SLC4A5: variants seen among roughly 807,000 people sequenced by gnomAD.
The protein encoded by SLC4A5 is solute carrier family 4 member 5, also known as electrogenic sodium bicarbonate cotransporter 4.
In SLC4A5, 96 loss-of-function variants were observed where a neutral mutation model predicts 120.4. The observed-to-expected ratio is 0.80, with a 90% confidence interval of 0.68 to 0.94. The LOEUF (loss-of-function observed/expected upper bound fraction) is 0.94, where lower values mean the gene tolerates loss of function less well. Ranked by LOEUF, SLC4A5 falls within the 40% of genes least tolerant of loss-of-function variation. The pLI, the probability that SLC4A5 is intolerant of heterozygous loss-of-function variation, is 0.00. For missense variants in SLC4A5, 1,259 were observed against 1,459.5 expected, an observed-to-expected ratio of 0.86 and a Z score of 2.24; for synonymous variants, 550 against 571.1, an observed-to-expected ratio of 0.96 and a Z score of 0.53.
intron 23 of SLC4A5, 86 bp downstream of exon 23, chr2:74,233,316 T>C: frequency 6.7e-7 from 1 of 1,498,558 alleles, no homozygotes; most frequent in South Asian, 1.1e-5. Context: ...CCCAAAGTAC[T>C]GAAAGAAGCA....
intron 5 of SLC4A5, among the ~76,000 whole-genome samples, chr2:74,322,048 C>A (rs1054465604): frequency 6.6e-6 from 1 of 152,110 alleles, no homozygotes; most frequent in African/African-American, 2.4e-5. Flanking sequence ...TGAGATAAAG[C>A]AGCCATCTTG....
At chr2:74,281,649 C>T (rs996880799) in intron 8 of SLC4A5, among the ~76,000 whole-genome samples, 4 of 152,168 alleles carry the variant, frequency 2.6e-5, no homozygotes, top group Admixed American at 1.3e-4. Context: ...TGGTGCTAGG[C>T]TCAGCAGAGC....
chr2:74,308,271 A>T (rs986476266), intron 6 of SLC4A5, among the ~76,000 whole-genome samples: 1 of 152,224 alleles, frequency 6.6e-6, no homozygotes, highest in Non-Finnish European at 1.5e-5. Flanking sequence ...TCGGACGACA[A>T]GACTATGATC....
At chr2:74,338,570 G>A (rs1338832178) in intron 3 of SLC4A5, among the ~76,000 whole-genome samples, 1 of 152,252 alleles carries the variant, frequency 6.6e-6, no homozygotes, top group African/African-American at 2.4e-5. Flanking sequence ...TGTAATCCCA[G>A]CACTTTGGGA....
intron 4 of SLC4A5, among the ~76,000 whole-genome samples, chr2:74,332,780 AAAGACCTAG>A (rs1673394018): frequency 6.6e-6 from 1 of 152,012 alleles, no homozygotes; most frequent in Non-Finnish European, 1.5e-5. Flanking sequence ...GGAGGGAGAG[AAAGACCTAG>A]TCCTGTGATG....
chr2:74,225,182 G>T (rs997770159), intron 27 of SLC4A5, among the ~76,000 whole-genome samples, 187 bp from the exon 28 acceptor site: 1 of 152,096 alleles, frequency 6.6e-6, no homozygotes, highest in African/African-American at 2.4e-5. Context: ...AGTTCCTCTT[G>T]TCTGGCCCCT....
In SLC4A5 at chr2:74,236,538, C is replaced by T. The variant is rs185715820; in HGVS notation, c.2320-1324G>A. ...AAGCTGAGAACAATCATTTCTTGTT[C>T]CGTAAACACATGGCTTGTGTGTTTT... On this transcript the variant is annotated intron_variant, in intron 21 of 30. Coordinates refer to ENST00000394019, the Ensembl canonical transcript of SLC4A5. 4.4e-3 allele frequency among the ~76,000 whole-genome samples: 676 copies of T among 152,256 alleles called. 3 individuals are homozygous for T. The highest frequency in any genetic ancestry group is 6.3e-3 in the Non-Finnish European group (426 of 68,016).
chr2:74,335,943 A>G (rs1040944942), intron 3 of SLC4A5, among the ~76,000 whole-genome samples: 3 of 152,232 alleles, frequency 2.0e-5, no homozygotes, highest in Non-Finnish European at 4.4e-5. Flanking sequence ...TGACCAAAAA[A>G]TCATGGCTAA....
intron 19 of SLC4A5, 54 bp from the exon 20 acceptor site, chr2:74,242,106 T>C (rs1386444263): frequency 2.0e-6 from 3 of 1,523,834 alleles, no homozygotes; most frequent in African/African-American, 2.7e-5. Flanking sequence ...GGCTGGGAGC[T>C]GCATTCCCAA....
chr2:74,258,055 C>A (rs1057340605), intron 12 of SLC4A5, among the ~76,000 whole-genome samples: 1 of 152,212 alleles, frequency 6.6e-6, no homozygotes, highest in Non-Finnish European at 1.5e-5. Flanking sequence ...CTTGTATAAC[C>A]AGGGCCCTGC....
intron 7 of SLC4A5, among the ~76,000 whole-genome samples, chr2:74,291,352 T>C (rs1167827202): frequency 6.6e-6 from 1 of 152,234 alleles, no homozygotes. Flanking sequence ...CCAAGGTTGA[T>C]TGGAGGTCAC....
rs376834179 is a variant in SLC4A5, at chr2:74,262,253, G to C, written c.716-21C>G. ...GCGATCTGGGAGGAGAATCAGAAGG[G>C]ACTTGGCTTCGACAGCCTTGCTGGT... On this transcript the variant is annotated intron_variant, in intron 10 of 30. Transcript: ENST00000394019. 1.5e-4 allele frequency: 234 copies of C among 1,611,316 alleles called. 1 individual carries two copies. The highest frequency in any genetic ancestry group is 8.6e-4 in the South Asian group (78 of 90,938).
intron 30 of SLC4A5, among the ~76,000 whole-genome samples, chr2:74,219,385 CTCTG>C (rs1478120504): frequency 3.3e-5 from 5 of 152,144 alleles, no homozygotes; most frequent in African/African-American, 9.7e-5. Flanking sequence ...GCACAGGGTG[CTCTG>C]TCTTTGTTTG....
intron 18 of SLC4A5, among the ~76,000 whole-genome samples, chr2:74,247,946 C>A (rs1670667812): frequency 6.6e-6 from 1 of 152,122 alleles, no homozygotes; most frequent in African/African-American, 2.4e-5. Flanking sequence ...GTTGGAGCAG[C>A]CCTTGGAAAT....
chr2:74,300,198 A>G (rs992951239), intron 7 of SLC4A5, among the ~76,000 whole-genome samples: 1 of 152,222 alleles, frequency 6.6e-6, no homozygotes, highest in Non-Finnish European at 1.5e-5. Flanking sequence ...AGTGTTTACC[A>G]GGGGTCGGAT....
At chr2:74,341,641 A>T (rs908841156) in intron 2 of SLC4A5, among the ~76,000 whole-genome samples, 19 of 152,204 alleles carry the variant, frequency 1.2e-4, no homozygotes, top group Admixed American at 9.8e-4. Context: ...TACTGTGCTC[A>T]CACTGTGCCC....
At chr2:74,254,783 A>G in intron 13 of SLC4A5, 77 bp from the exon 14 acceptor site, 9 of 1,103,714 alleles carry the variant, frequency 8.2e-6, no homozygotes, top group Non-Finnish European at 1.1e-5. Context: ...AACAGAAGCA[A>G]GTGAAGAGAA....
chr2:74,258,319 T>G (rs1671032274), intron 12 of SLC4A5, among the ~76,000 whole-genome samples: 1 of 152,200 alleles, frequency 6.6e-6, no homozygotes, highest in Non-Finnish European at 1.5e-5. Context: ...CAGCATCAAG[T>G]ATCAGCAAGG....
intron 7 of SLC4A5, among the ~76,000 whole-genome samples, chr2:74,304,007 G>A (rs964424890): frequency 2.0e-5 from 3 of 151,700 alleles, no homozygotes; most frequent in Non-Finnish European, 4.4e-5. Flanking sequence ...CCGCCACTAC[G>A]CCCGGCTAAT....
Sources: gnomAD v4.1 joint callset for allele counts (sites outside exome capture counted in the v4.1 genomes callset) on GRCh38, gnomAD v4.1.1 for gene constraint, MANE v1.5 for transcripts, NCBI Gene and HGNC (gene_info 2026-07-23, HGNC 2026-07-21) for gene names.